CSMD1: variants seen among roughly 807,000 people sequenced by gnomAD.
CSMD1 encodes the protein CUB and sushi domain-containing protein 1.
Under a neutral mutation model 417.5 loss-of-function variants are expected in CSMD1, and 213 were observed. The ratio of observed to expected loss-of-function variants is 0.51; its 90% CI spans 0.46 to 0.57. CSMD1 has a LOEUF of 0.57. Among genes scored for constraint, CSMD1 ranks in the 20% least tolerant of loss-of-function variants. CSMD1 has a pLI of 0.00. For synonymous variants in CSMD1, 2,862 were observed against 1,736.8 expected (o/e 1.65, Z -16.11); for missense variants, 6,923 against 4,529.7 (o/e 1.53, Z -15.17).
rs1315644914 is a variant in CSMD1 at position 4,631,086 on chromosome 8, G to C, written c.302+6256C>G. ...CAAGCTAAAAATAAAATGAAGGCCA[G>C]GTGCGGTGGCTCACACCTGTAATCC... On this transcript the variant is annotated intron_variant, in intron 2 of 69. Coordinates refer to ENST00000635120, the MANE Select transcript of CSMD1 (RefSeq NM_033225.6). 2.6e-5 allele frequency among the ~76,000 whole-genome samples: 4 copies of C among 152,266 alleles called. No homozygotes were observed. The East Asian group carries it at 7.7e-4, about 29-fold the overall frequency.
intron 3 of CSMD1, among the ~76,000 whole-genome samples, chr8:4,196,150 G>A (rs1380289274): frequency 6.6e-6 from 1 of 152,156 alleles, no homozygotes; most frequent in Non-Finnish European, 1.5e-5. Context: ...AGTGGAGCTT[G>A]CAGGGAGCCG....
chr8:3,509,773 T>C (rs948779690), intron 10 of CSMD1, among the ~76,000 whole-genome samples: 2 of 152,218 alleles, frequency 1.3e-5, no homozygotes, highest in Non-Finnish European at 2.9e-5. Flanking sequence ...GGGGTCTGCT[T>C]GATGCCTTCT....
intron 2 of CSMD1, among the ~76,000 whole-genome samples, chr8:4,509,671 A>G (rs1406971979): frequency 6.6e-6 from 1 of 152,184 alleles, no homozygotes; most frequent in African/African-American, 2.4e-5. Context: ...GTCCATAATA[A>G]TAATCACAGT....
intron 3 of CSMD1, among the ~76,000 whole-genome samples, chr8:4,224,812 T>C (rs1170853568): frequency 6.6e-6 from 1 of 152,226 alleles, no homozygotes; most frequent in Admixed American, 6.5e-5. Flanking sequence ...ATAATATTCC[T>C]CATCATGGGA....
intron 1 of CSMD1, among the ~76,000 whole-genome samples, chr8:4,791,207 C>G (rs11136776): frequency 0.1 from 15,405 of 151,796 alleles, 1,245 homozygotes; most frequent in African/African-American, 0.22. Flanking sequence ...AGGAGAGGTG[C>G]GTGGAAGAAG....
intron 3 of CSMD1, among the ~76,000 whole-genome samples, chr8:4,342,499 G>C (rs936361964): frequency 6.6e-6 from 1 of 151,964 alleles, no homozygotes; most frequent in African/African-American, 2.4e-5. Context: ...AATCAGCCAG[G>C]GTAGGTTTCA....
intron 12 of CSMD1, among the ~76,000 whole-genome samples, chr8:3,456,022 C>T (rs1024522173): frequency 4.6e-5 from 7 of 152,114 alleles, no homozygotes; most frequent in African/African-American, 1.2e-4. Flanking sequence ...GGGTGCCCCT[C>T]CCCCAGCCTC....
intron 3 of CSMD1, among the ~76,000 whole-genome samples, chr8:4,035,399 A>C (rs1472439439): frequency 2.6e-5 from 4 of 152,206 alleles, no homozygotes; most frequent in African/African-American, 9.7e-5. Flanking sequence ...TACTAAAAAA[A>C]AATTACGATT....
At chr8:4,985,919 G>A (rs1221960533) in intron 1 of CSMD1, among the ~76,000 whole-genome samples, 1 of 152,160 alleles carries the variant, frequency 6.6e-6, no homozygotes, top group East Asian at 1.9e-4. Context: ...CATTTGGAGT[G>A]CGCAGAAATT....
At chr8:3,510,297 C>G (rs1282893394) in intron 10 of CSMD1, among the ~76,000 whole-genome samples, 1 of 151,836 alleles carries the variant, frequency 6.6e-6, no homozygotes, top group East Asian at 1.9e-4. Flanking sequence ...ACATGGCCTG[C>G]CTCTGTCTTC....
Position 3,997,784 on chromosome 8 carries a change from A to G in CSMD1, c.818+119T>C, listed in dbSNP as rs185884556. ...CCAGAGCCAAAAGAGCAAGGCGAAA[A>G]AAGGAACACACATGCTTGCCCATGA... On this transcript the variant is annotated intron_variant, in intron 5 of 69. Transcript: ENST00000635120. The G allele has an allele frequency of 1.8e-3, 1,579 of 877,398 alleles. 23 individuals carry two copies. The African/African-American group carries it at 0.024, about 14-fold the overall frequency. 54.4% of individuals were successfully genotyped at this position (877,398 alleles called of 1,614,324 possible).
At chr8:3,237,271 G>C (rs1049832314) in intron 26 of CSMD1, among the ~76,000 whole-genome samples, 1 of 151,424 alleles carries the variant, frequency 6.6e-6, no homozygotes, top group African/African-American at 2.4e-5. Context: ...TTCGAGACCA[G>C]TCTGACCAAC....
chr8:4,042,533 A>C (rs1195153418), intron 3 of CSMD1, among the ~76,000 whole-genome samples: 1 of 152,100 alleles, frequency 6.6e-6, no homozygotes, highest in African/African-American at 2.4e-5. Flanking sequence ...GGCCCATACC[A>C]CAAGGAATAT....
chr8:4,568,903 G>A (rs1798748305), intron 2 of CSMD1, among the ~76,000 whole-genome samples: 2 of 152,112 alleles, frequency 1.3e-5, no homozygotes, highest in Admixed American at 1.3e-4. Flanking sequence ...TATGTTTTTG[G>A]CAGCATAAAT....
intron 7 of CSMD1, among the ~76,000 whole-genome samples, chr8:3,700,831 T>C (rs771761180): frequency 1.3e-5 from 2 of 151,916 alleles, no homozygotes; most frequent in African/African-American, 2.4e-5. Context: ...CATAAGGAAT[T>C]TGGACTCGTT....
At chr8:3,242,927 A>T (rs1799638849) in intron 26 of CSMD1, among the ~76,000 whole-genome samples, 1 of 152,008 alleles carries the variant, frequency 6.6e-6, no homozygotes, top group African/African-American at 2.4e-5. Flanking sequence ...GTGGTCAGAC[A>T]CCTCTGAAAC....
intron 4 of CSMD1, among the ~76,000 whole-genome samples, chr8:4,022,318 T>G (rs927933352): frequency 2.6e-5 from 4 of 152,004 alleles, no homozygotes; most frequent in Non-Finnish European, 5.9e-5. Context: ...TATTATTTAG[T>G]GAACACCCCT....
At chr8:3,990,466 TTTC>T (rs1250068761) in intron 5 of CSMD1, among the ~76,000 whole-genome samples, 3 of 152,182 alleles carry the variant, frequency 2.0e-5, no homozygotes, top group East Asian at 3.9e-4. Context: ...CCAGGGATGT[TTTC>T]TTCTTCTCTG....
intron 23 of CSMD1, among the ~76,000 whole-genome samples, chr8:3,330,360 G>T (rs78734333): frequency 1.3e-5 from 2 of 152,112 alleles, no homozygotes. Flanking sequence ...GCCCATCAGC[G>T]AGAGACTGGA....
Sources: allele counts gnomAD v4.1 joint callset (sites outside exome capture counted in the v4.1 genomes callset), GRCh38; gene constraint gnomAD v4.1.1; transcripts MANE v1.5; gene names NCBI Gene and HGNC (gene_info 2026-07-23, HGNC 2026-07-21).